The following EIF2D variants were observed in gnomAD, a reference collection of about 807,000 sequenced individuals.
The protein encoded by EIF2D is eukaryotic translation initiation factor 2D.
A neutral mutation model predicts 77.4 loss-of-function variants in EIF2D; 56 were observed. The ratio of observed to expected loss-of-function variants is 0.72; its 90% confidence interval spans 0.58 to 0.90. The LOEUF (loss-of-function observed/expected upper bound fraction) is 0.90. Among genes scored for constraint, EIF2D ranks in the 40% least tolerant of loss-of-function variants. The pLI is 0.00. For synonymous variants in EIF2D, 230 were observed against 271.0 expected (o/e 0.85, Z 1.49); for missense variants, 574 against 706.5 (o/e 0.81, Z 2.13).
chr1:206,599,220 T>A lies in EIF2D; in HGVS notation c.1203-128A>T. 1 of 954,600 alleles carries A rather than the reference T, an allele frequency of 1.0e-6. No homozygotes were observed. The highest frequency in any genetic ancestry group is 2.5e-5 in the East Asian group (1 of 39,962). 59.1% of individuals were successfully genotyped at this position (954,600 alleles called of 1,614,324 possible). ...CTTTCGGCCTCTAGTTTCTTCCCTT[T>A]TCCTGACTGAAGTGAGCATGACCAT... On this transcript the variant is annotated intron_variant, in intron 10 of 14. Transcript: ENST00000271764. The surrounding 1 kb of genome is among the most constrained non-coding windows in gnomAD (Gnocchi z 4.1).
downstream of EIF2D, among the ~76,000 whole-genome samples, chr1:206,590,111 T>C (rs1669295390): frequency 6.6e-6 from 1 of 152,240 alleles, no homozygotes; most frequent in Non-Finnish European, 1.5e-5. Context: ...AAAAAGAACC[T>C]GTTACACAGT....
At chr1:206,605,140 G>C in intron 5 of EIF2D, 1 of 338,128 alleles carries the variant, frequency 3.0e-6, no homozygotes, top group Non-Finnish European at 5.5e-6. Flanking sequence ...ACTGTACTGA[G>C]AGGCAGAGCA....
intron 4 of EIF2D, among the ~76,000 whole-genome samples, chr1:206,575,678 T>G (rs1668614606): frequency 6.6e-6 from 1 of 152,172 alleles, no homozygotes; most frequent in Non-Finnish European, 1.5e-5. Flanking sequence ...CACCCTATCT[T>G]ATGTGTAAAA....
chr1:206,578,475 A>G (rs1424510750), intron 4 of EIF2D, among the ~76,000 whole-genome samples: 1 of 152,190 alleles, frequency 6.6e-6, no homozygotes, highest in Non-Finnish European at 1.5e-5. Context: ...AATCATCGTC[A>G]TCATTCAGGG....
At chr1:206,574,442 C>T (rs779350572) in intron 4 of EIF2D, among the ~76,000 whole-genome samples, 7 of 152,220 alleles carry the variant, frequency 4.6e-5, no homozygotes, top group Non-Finnish European at 1.0e-4. Flanking sequence ...TACTGGCGGA[C>T]TGTTGACATT....
chr1:206,596,412 A>T (rs1184186686), intron 12 of EIF2D, among the ~76,000 whole-genome samples: 1 of 152,368 alleles, frequency 6.6e-6, no homozygotes, highest in East Asian at 1.9e-4. Context: ...CCATTATAGC[A>T]TAAAACCAGC....
Position 206,584,352 on chromosome 1 carries a change from G to A in EIF2D, c.139-3190C>T, listed in dbSNP as rs782775616. On this transcript the variant is annotated intron_variant and NMD_transcript_variant, in intron 2 of 5. Transcript: ENST00000472709. This position sits in a 1 kb window ranked among gnomAD's most constrained non-coding sequence, Gnocchi z 4.9. Reference sequence around the variant, plus strand: ...GCAGATATGATCATGCAAGGCGGACGGCCCTGACCCCCTGTGACATGCCCC... The same window carrying A: ...GCAGATATGATCATGCAAGGCGGACAGCCCTGACCCCCTGTGACATGCCCC... The A allele has an allele frequency of 1.1e-5, 18 of 1,575,498 alleles. No homozygotes were observed. The highest frequency in any genetic ancestry group is 1.7e-4 in the Middle Eastern group (1 of 5,872).
At chr1:206,570,479 A>G (rs934478508), downstream of EIF2D, among the ~76,000 whole-genome samples, 1 of 152,126 alleles carries the variant, frequency 6.6e-6, no homozygotes, top group Admixed American at 6.6e-5. Flanking sequence ...ATCCATTTCC[A>G]GAACTTTTGT....
intron 4 of EIF2D, among the ~76,000 whole-genome samples, chr1:206,572,908 C>CG (rs1668499333): frequency 6.6e-6 from 1 of 151,992 alleles, no homozygotes; most frequent in Admixed American, 6.5e-5. Flanking sequence ...AAGGGCCTAT[C>CG]GGGAATCAAG....
chr1:206,570,553 C>T (rs1218475566), downstream of EIF2D, among the ~76,000 whole-genome samples: 3 of 148,734 alleles, frequency 2.0e-5, no homozygotes, highest in Non-Finnish European at 4.5e-5. Context: ...CAGTAACTCA[C>T]TATTTTCCCC....
chr1:206,611,256 C>T lies in EIF2D; in HGVS notation c.175G>A (p.Asp59Asn). The change falls in exon 2 of 15, where the codon GAT becomes AAT. Residue 59 changes from aspartate to asparagine, a missense_variant. By Grantham distance (23) the Asp-to-Asn change is conservative. Transcript: ENST00000271764. ...NIVKLYAHKG[D>N]AVTVYVSGGN... ...CCACTCACGTACACAGTCACTGCAT[C>T]CCCTTTGTGAGCATACAACTTCACA... 1 of 1,614,216 alleles carries T rather than the reference C, an allele frequency of 6.2e-7. No homozygotes were observed. Among genetic ancestry groups the T allele is most frequent in the South Asian group, 1.1e-5 (1 of 91,084 alleles).
chr1:206,572,621 G>A (rs1386924367), exon 5 of EIF2D: 1 of 152,178 alleles, frequency 6.6e-6, no homozygotes, highest in Non-Finnish European at 1.5e-5. Context: ...GGAAAGTATG[G>A]TCACTTCTCC....
chr1:206,584,721 TCCTA>T lies in EIF2D; in HGVS notation c.139-3563_139-3560del, dbSNP rs782178957. ...AGTGAACCCAACCAGACCGTTCCCTTCCTACCTGTGTCCAAGCCCACCCACTAAA... is the reference window on the plus strand; with the variant it reads ...AGTGAACCCAACCAGACCGTTCCCTTCCTGTGTCCAAGCCCACCCACTAAA... On this transcript the variant is annotated intron_variant and NMD_transcript_variant, in intron 2 of 5. Coordinates refer to the EIF2D transcript ENST00000472709. This position sits in a 1 kb window ranked among gnomAD's most constrained non-coding sequence, Gnocchi z 4.9. 9.3e-6 allele frequency: 15 copies of T among 1,610,698 alleles called. No homozygotes were observed. Among genetic ancestry groups the T allele is most frequent in the Non-Finnish European group, 1.1e-5 (13 of 1,177,806 alleles).
rs781879071 is a variant in EIF2D, at chr1:206,591,733, T to C, written c.*42A>G. 55 of 1,581,372 alleles carry C rather than the reference T, an allele frequency of 3.5e-5. No homozygotes were observed. The highest frequency in any genetic ancestry group is 5.4e-5 in the African/African-American group (4 of 74,268). On this transcript the variant is annotated 3_prime_UTR_variant, in exon 15 of 15. Coordinates refer to ENST00000271764, the MANE Select transcript of EIF2D (RefSeq NM_006893.3). ...CTCATAAAAATTACCAGCCCAGAGC[T>C]TGGATTTCCACCGGATCCACCACGT...
intron 4 of EIF2D, among the ~76,000 whole-genome samples, chr1:206,606,478 C>T (rs1553412734): frequency 6.6e-6 from 1 of 152,144 alleles, no homozygotes; most frequent in African/African-American, 2.4e-5. Flanking sequence ...TAGCTCCACC[C>T]CCATATACAC....
chr1:206,579,269 GT>G lies in EIF2D; in HGVS notation c.*254+1422del, dbSNP rs1668776024. Among the ~76,000 whole-genome samples the G allele has an allele frequency of 6.6e-6, 1 of 152,168 alleles. No homozygotes were observed. The highest frequency in any genetic ancestry group is 2.4e-5 in the African/African-American group (1 of 41,424). ...TTCCATGCCAGATGCACTGAGATGT[GT>G]GAGCCCCCAGGAGAGACACCTCACA... On this transcript the variant is annotated intron_variant and NMD_transcript_variant, in intron 4 of 5. Transcript: ENST00000472709. The surrounding 1 kb of genome is among the most constrained non-coding windows in gnomAD (Gnocchi z 4.2).
At chr1:206,602,781 A>T in intron 6 of EIF2D, 170 bp downstream of exon 6, 1 of 989,948 alleles carries the variant, frequency 1.0e-6, no homozygotes, top group East Asian at 2.6e-5. Context: ...TGTGGAAAGG[A>T]TTCAAAAACA....
chr1:206,612,245 T>G, intron 1 of EIF2D, 42 bp downstream of exon 1: 18 of 1,613,664 alleles, frequency 1.1e-5, no homozygotes, highest in Non-Finnish European at 1.5e-5. Context: ...CCAAGAGGTG[T>G]CTGGTTGTTC....
chr1:206,608,404 C>T (rs898571719), intron 3 of EIF2D, 78 bp from the exon 4 acceptor site: 27 of 1,202,716 alleles, frequency 2.2e-5, no homozygotes, highest in South Asian at 2.1e-4. Flanking sequence ...TTTCCTCACT[C>T]GCTCAACAAA....
Sources: gnomAD v4.1 joint callset for allele counts (sites outside exome capture counted in the v4.1 genomes callset) on GRCh38, gnomAD v4.1.1 for gene constraint, Gnocchi (gnomAD v3.1) non-coding constraint, MANE v1.5 for transcripts, NCBI Gene and HGNC (gene_info 2026-07-23, HGNC 2026-07-21) for gene names.